ZIM3: variants seen among roughly 807,000 people sequenced by gnomAD.
ZIM3 encodes the protein zinc finger imprinted 3.
ZIM3 carries 11 observed loss-of-function variants against 12.9 expected under a neutral mutation model. That is an observed-to-expected ratio of 0.85 (90% confidence interval 0.54 to 1.41). The LOEUF is 1.41. Among genes scored for constraint, ZIM3 ranks in the 40% most tolerant of loss-of-function variants. The pLI is 0.00. For synonymous variants in ZIM3, 205 were observed against 198.5 expected, an observed-to-expected ratio of 1.03 and a Z score of -0.28; for missense variants, 604 against 557.2, an observed-to-expected ratio of 1.08 and a Z score of -0.85.
rs1342195057 is a variant in ZIM3 at position 57,135,717 on chromosome 19, T to G, written c.620A>C (p.Lys207Thr). ...CHSCGRAFGE[K>T]WKLDKHQKTH... ...TTTCTGATGTTTATCAAGCTTCCAC[T>G]TCTCCCCGAATGCTCTTCCACAGCT... Residue 207 changes from lysine to threonine, a missense_variant, in exon 5 of 5, where the codon AAG (lysine) becomes ACG (threonine). Lys to Thr is a moderately conservative substitution (Grantham distance 78). Coordinates refer to ENST00000269834, the MANE Select transcript of ZIM3 (RefSeq NM_052882.1). 1 of 1,613,930 alleles carries G rather than the reference T, an allele frequency of 6.2e-7. No individual in the cohort carries two copies. The highest frequency in any genetic ancestry group is 2.2e-5 in the East Asian group (1 of 44,872).
intron 2 of ZIM3, among the ~76,000 whole-genome samples, chr19:57,142,123 T>C (rs1438974483): frequency 6.8e-6 from 1 of 148,038 alleles, no homozygotes; most frequent in African/African-American, 2.5e-5. Flanking sequence ...ACCAAACTCC[T>C]GGTGTTTCCG....
chr19:57,137,839 A>AAAGGAAGG (rs202182123), intron 3 of ZIM3, among the ~76,000 whole-genome samples: 8 of 84,228 alleles, frequency 9.5e-5, no homozygotes, highest in Non-Finnish European at 1.5e-4. Context: ...AGGGAGGGAG[A>AAAGGAAGG]AAGGAAGGAA....
At chr19:57,144,586 AATT>A (rs2086929267) in intron 1 of ZIM3, among the ~76,000 whole-genome samples, 1 of 152,166 alleles carries the variant, frequency 6.6e-6, no homozygotes, top group African/African-American at 2.4e-5. Flanking sequence ...AAATAAACAC[AATT>A]ATTATTTGTC....
Position 57,135,915 on chromosome 19 carries a change from A to G in ZIM3, c.422T>C (p.Val141Ala). 6.2e-7 allele frequency: 1 copy of G among 1,614,162 alleles called. No individual in the cohort carries two copies. Reference sequence around the variant, plus strand: ...ATTATCATCGTGAGAATTATTTTGTACATAGTGTTGCAAGGAAGATACATC... The same window carrying G: ...ATTATCATCGTGAGAATTATTTTGTGCATAGTGTTGCAAGGAAGATACATC... Reference protein sequence around the residue: ...IDDVSSLQHYVQNNSHDDNGY... With the variant: ...IDDVSSLQHYAQNNSHDDNGY... Residue 141 changes from valine (V) to alanine (A), a missense_variant, in exon 5 of 5, where the codon GTA becomes GCA. Transcript: ENST00000269834.
chr19:57,135,918 T>C lies in ZIM3; in HGVS notation c.419A>G (p.Tyr140Cys), dbSNP rs770606177. The change falls in exon 5 of 5, where the codon TAT becomes TGT. Residue 140 changes from tyrosine to cysteine, a missense_variant. By Grantham distance (194) the Tyr-to-Cys change is radical. Transcript: ENST00000269834. ...ATCATCGTGAGAATTATTTTGTACA[T>C]AGTGTTGCAAGGAAGATACATCATC... is the stretch of plus-strand genomic sequence containing the variant. ...GIDDVSSLQH[Y>C]VQNNSHDDNG... The C allele has an allele frequency of 2.2e-5, 35 of 1,614,038 alleles. No individual in the cohort carries two copies. The highest frequency in any genetic ancestry group is 5.0e-5 in the Admixed American group (3 of 59,998).
rs200666945 is a variant in ZIM3 at position 57,135,709 on chromosome 19, G to A, written c.628C>T (p.Leu210Phe). ...CGRAFGEKWK[L>F]DKHQKTHAEE... ...GCGTGAGTTTTCTGATGTTTATCAA[G>A]CTTCCACTTCTCCCCGAATGCTCTT... is the stretch of plus-strand genomic sequence containing the variant. Residue 210 changes from leucine (L) to phenylalanine (F), a missense_variant, in exon 5 of 5, where the codon CTT becomes TTT. Transcript: ENST00000269834. 1 of 1,613,762 alleles carries A rather than the reference G, an allele frequency of 6.2e-7. No homozygotes were observed. Among genetic ancestry groups the A allele is most frequent in the Admixed American group, 1.7e-5 (1 of 59,974 alleles).
Position 57,135,301 on chromosome 19 carries a change from G to A in ZIM3, c.1036C>T (p.Gln346Ter). The change falls in exon 5 of 5, where the codon CAG becomes TAG. Residue 346 changes from glutamine (Q) to a stop codon, truncating the protein, a stop_gained. Coordinates refer to ENST00000269834, the MANE Select transcript of ZIM3 (RefSeq NM_052882.1). LOFTEE classifies it low-confidence loss of function (END_TRUNC). The part of the protein sequence containing the change: ...KCSICEKAFS[Q>*]KSNVIDHEKI... ...TCATGATCGATGACATTGGATTTCT[G>A]GGAAAAGGCCTTCTCACATATGCTA... is the stretch of plus-strand genomic sequence containing the variant. The A allele has an allele frequency of 6.2e-7, 1 of 1,614,036 alleles. No individual in the cohort carries two copies. The highest frequency in any genetic ancestry group is 8.5e-7 in the Non-Finnish European group (1 of 1,180,020).
chr19:57,134,771 G>A lies in ZIM3; in HGVS notation c.*147C>T, dbSNP rs1404636279. ...TAAACATTTGCTGAGTGAGTATGCC[G>A]AATGGGTTTTCAAAGGATACTGTGA... On this transcript the variant is annotated 3_prime_UTR_variant, in exon 5 of 5. Transcript: ENST00000269834. 2.6e-5 allele frequency: 19 copies of A among 739,400 alleles called. No individual in the cohort carries two copies. The highest frequency in any genetic ancestry group is 1.2e-4 in the Admixed American group (4 of 33,646). The allele number at this position is 739,400 out of a possible 1,614,324, so 45.8% of individuals were successfully genotyped here.
chr19:57,137,120 C>T, intron 3 of ZIM3, 149 bp from the exon 4 acceptor site: 1 of 743,026 alleles, frequency 1.3e-6, no homozygotes, highest in Non-Finnish European at 2.3e-6. Context: ...GGGTATGTGC[C>T]ATTGGTTGGG....
intron 1 of ZIM3, among the ~76,000 whole-genome samples, chr19:57,143,155 G>A (rs955375418): frequency 6.6e-6 from 1 of 152,090 alleles, no homozygotes; most frequent in Non-Finnish European, 1.5e-5. Context: ...GTGAAACCCT[G>A]TCTCTACTAA....
At chr19:57,138,654 G>C (rs983502035) in intron 2 of ZIM3, 56 bp from the exon 3 acceptor site, 1 of 1,591,328 alleles carries the variant, frequency 6.3e-7, no homozygotes, top group Non-Finnish European at 8.6e-7. Context: ...TGCGGCTGAG[G>C]ATACAGAAAC....
rs1433114666 is a variant in ZIM3 at position 57,135,750 on chromosome 19, T to C, written c.587A>G (p.Glu196Gly). 1.2e-6 allele frequency: 2 copies of C among 1,613,972 alleles called. No individual in the cohort carries two copies. Among genetic ancestry groups the C allele is most frequent in the African/African-American group, 2.7e-5 (2 of 74,894 alleles). Reference sequence around the variant, plus strand: ...GAATGCTCTTCCACAGCTATGACATTCAAAGGGTTTTTGACAGGCATGCCT... The same window carrying C: ...GAATGCTCTTCCACAGCTATGACATCCAAAGGGTTTTTGACAGGCATGCCT... ...LRRHACQKPF[E>G]CHSCGRAFGE... Residue 196 changes from glutamate to glycine, a missense_variant, in exon 5 of 5, where the codon GAA (glutamate) becomes GGA (glycine). Coordinates refer to ENST00000269834, the MANE Select transcript of ZIM3 (RefSeq NM_052882.1).
chr19:57,141,298 G>C (rs1486423629), intron 2 of ZIM3, among the ~76,000 whole-genome samples: 1 of 151,676 alleles, frequency 6.6e-6, no homozygotes, highest in African/African-American at 2.4e-5. Context: ...CTGCTCAGGA[G>C]GTTGAGGCAG....
intron 4 of ZIM3, among the ~76,000 whole-genome samples, 164 bp downstream of exon 4, chr19:57,136,709 C>T (rs1381588867): frequency 6.8e-6 from 1 of 147,368 alleles, no homozygotes; most frequent in African/African-American, 2.5e-5. Context: ...CAAAGGAAAA[C>T]CCAGATAAGA....
intron 1 of ZIM3, 88 bp from the exon 2 acceptor site, chr19:57,142,773 A>G: frequency 9.7e-7 from 1 of 1,034,330 alleles, no homozygotes; most frequent in Non-Finnish European, 1.5e-6. Context: ...CACACCCTGG[A>G]TAAAAGCTCT....
rs1186437845 is a variant in ZIM3 at position 57,134,904 on chromosome 19, A to C, written c.*14T>G. 1.3e-6 allele frequency: 2 copies of C among 1,572,060 alleles called. No individual in the cohort carries two copies. Among genetic ancestry groups the C allele is most frequent in the African/African-American group, 1.4e-5 (1 of 72,794 alleles). ...AACCATATCTTCCCATGTTTTTTTAAGTGCATGGGGCTCCTATCTGGAGTG... is the reference window on the plus strand; with the variant it reads ...AACCATATCTTCCCATGTTTTTTTACGTGCATGGGGCTCCTATCTGGAGTG... On this transcript the variant is annotated 3_prime_UTR_variant, in exon 5 of 5. Transcript: ENST00000269834.
intron 3 of ZIM3, among the ~76,000 whole-genome samples, chr19:57,137,711 C>CA (rs544060917): frequency 1.6e-3 from 205 of 131,280 alleles, no homozygotes; most frequent in Non-Finnish European, 2.0e-3. Flanking sequence ...AGACTGTCTC[C>CA]AAAAAAAAAA....
chr19:57,140,051 T>C (rs2086906793), intron 2 of ZIM3, among the ~76,000 whole-genome samples: 1 of 152,208 alleles, frequency 6.6e-6, no homozygotes, highest in African/African-American at 2.4e-5. Flanking sequence ...GTAAAGCGAA[T>C]TCCTTTGTCA....
chr19:57,141,596 A>G (rs2086914272), intron 2 of ZIM3, among the ~76,000 whole-genome samples: 1 of 152,030 alleles, frequency 6.6e-6, no homozygotes. Context: ...CTTCCTCAGG[A>G]AAAGACCTTC....
Sources: allele counts gnomAD v4.1 joint callset (sites outside exome capture counted in the v4.1 genomes callset), GRCh38; gene constraint gnomAD v4.1.1; transcripts MANE v1.5; gene names NCBI Gene and HGNC (gene_info 2026-07-23, HGNC 2026-07-21).